FNIP2: variants seen among roughly 807,000 people sequenced by gnomAD.
The protein encoded by FNIP2 is folliculin-interacting protein 2.
A neutral mutation model predicts 108.7 loss-of-function variants in FNIP2; 32 were observed. The ratio of observed to expected loss-of-function variants is 0.29; its 90% CI spans 0.22 to 0.40. The LOEUF (loss-of-function observed/expected upper bound fraction) is 0.40, where lower values mean the gene tolerates loss of function less well. FNIP2 is among the 10% of genes least tolerant of loss of function. The pLI is 1.00. For synonymous variants in FNIP2, 480 were observed against 496.7 expected (o/e 0.97, Z 0.45); for missense variants, 1,202 against 1,381.6 (o/e 0.87, Z 2.06).
At chr4:158,827,072 T>C (rs542700754) in intron 2 of FNIP2, among the ~76,000 whole-genome samples, 1 of 152,314 alleles carries the variant, frequency 6.6e-6, no homozygotes, top group East Asian at 1.9e-4. Flanking sequence ...CACAGTGTTT[T>C]AAAGTGGAGT....
intron 1 of FNIP2, among the ~76,000 whole-genome samples, chr4:158,775,877 C>A (rs1226063375): frequency 6.6e-6 from 1 of 152,054 alleles, no homozygotes. Flanking sequence ...ATTTCTGTCT[C>A]CTGAACTGTG....
chr4:158,812,812 A>G (rs1777353162), intron 1 of FNIP2, among the ~76,000 whole-genome samples: 1 of 151,460 alleles, frequency 6.6e-6, no homozygotes, highest in South Asian at 2.1e-4. Context: ...AGGTTTTGAC[A>G]AAAGTATAAT....
intron 1 of FNIP2, among the ~76,000 whole-genome samples, chr4:158,780,661 G>T (rs1776012448): frequency 6.6e-6 from 1 of 152,148 alleles, no homozygotes; most frequent in Non-Finnish European, 1.5e-5. Flanking sequence ...TATATGATCT[G>T]TATTCTCTCT....
At chr4:158,878,493 C>T (rs560087562) in intron 14 of FNIP2, among the ~76,000 whole-genome samples, 1 of 152,140 alleles carries the variant, frequency 6.6e-6, no homozygotes, top group African/African-American at 2.4e-5. Flanking sequence ...TTATTCTACC[C>T]GAGTGATTTG....
chr4:158,800,677 C>T (rs1776732102), intron 1 of FNIP2, among the ~76,000 whole-genome samples: 1 of 152,142 alleles, frequency 6.6e-6, no homozygotes, highest in Middle Eastern at 3.4e-3. Context: ...TGCTCAAAAG[C>T]GTTCTGATAT....
rs1444532923 is a variant in FNIP2, at chr4:158,825,901, C to G, written c.108-15C>G. 14 of 1,601,018 alleles carry G rather than the reference C, an allele frequency of 8.7e-6. No individual in the cohort carries two copies. The highest frequency in any genetic ancestry group is 1.3e-5 in the African/African-American group (1 of 74,634). ...TGCAGATAACATAACTTCTTTTGCC[C>G]TTTTTAATCCACAGTTGGTCATGTT... is the stretch of plus-strand genomic sequence containing the variant. On this transcript the variant is annotated splice_polypyrimidine_tract_variant and intron_variant, in intron 1 of 16. Coordinates refer to ENST00000264433, the MANE Select transcript of FNIP2 (RefSeq NM_020840.3).
intron 10 of FNIP2, among the ~76,000 whole-genome samples, 197 bp from the exon 11 acceptor site, chr4:158,861,145 A>C (rs1177519221): frequency 6.6e-6 from 1 of 152,200 alleles, no homozygotes; most frequent in Non-Finnish European, 1.5e-5. Flanking sequence ...GACCCAGTAA[A>C]ACTTTTTATT....
Position 158,773,305 on chromosome 4 carries a change from T to G in FNIP2, c.107+3986T>G, listed in dbSNP as rs1014966787. Among the ~76,000 whole-genome samples, 6 of 152,222 alleles carry G rather than the reference T, an allele frequency of 3.9e-5. No homozygotes were observed. In the East Asian group the frequency reaches 1.2e-3, roughly 29 times the overall value. On this transcript the variant is annotated intron_variant, in intron 1 of 16. Transcript: ENST00000264433. ...TGTCCTGAAAGATACTATGCACTGG[T>G]TAGTGATTTTTTCAGAGGTGAAGAA...
Position 158,769,261 on chromosome 4 carries a change from G to A in FNIP2, c.49G>A (p.Gly17Ser), listed in dbSNP as rs1258620805. ...GCTCTTCAACAAAAGGGGCAGCAGC[G>A]GCAGCTCCGCGGCGGCGTCTGCCCA... Reference protein sequence around the residue: ...QKLFNKRGSSGSSAAASAQGR... With the variant: ...QKLFNKRGSSSSSAAASAQGR... Residue 17 changes from glycine to serine, a missense_variant, in exon 1 of 17, where the codon GGC becomes AGC. Gly to Ser is a moderately conservative substitution (Grantham distance 56, BLOSUM62 0). Around this residue, in one of 5 missense-constraint regions of FNIP2, gnomAD observed 173 missense variants for 165.9 expected, o/e 1.04. Coordinates refer to ENST00000264433, the MANE Select transcript of FNIP2 (RefSeq NM_020840.3). 10 of 1,542,324 alleles carry A rather than the reference G, an allele frequency of 6.5e-6. No individual in the cohort carries two copies. The highest frequency in any genetic ancestry group is 8.7e-6 in the Non-Finnish European group (10 of 1,148,948).
chr4:158,786,669 A>G (rs552106246), intron 1 of FNIP2, among the ~76,000 whole-genome samples: 1 of 151,872 alleles, frequency 6.6e-6, no homozygotes, highest in Non-Finnish European at 1.5e-5. Flanking sequence ...TTTTATTTTT[A>G]AAAAAAACAG....
intron 1 of FNIP2, among the ~76,000 whole-genome samples, chr4:158,800,192 C>G (rs116286522): frequency 1.7e-3 from 252 of 152,178 alleles, no homozygotes; most frequent in African/African-American, 5.7e-3. Flanking sequence ...GGTCAGATAG[C>G]CTTTCGGTAG....
intron 1 of FNIP2, among the ~76,000 whole-genome samples, chr4:158,822,809 T>A (rs926107532): frequency 6.6e-6 from 1 of 152,236 alleles, no homozygotes; most frequent in Non-Finnish European, 1.5e-5. Context: ...ACTCGTATCT[T>A]ATAAAATACT....
intron 7 of FNIP2, 121 bp downstream of exon 7, chr4:158,835,597 A>G: frequency 1.2e-6 from 1 of 810,510 alleles, no homozygotes; most frequent in Non-Finnish European, 2.0e-6. Flanking sequence ...TTCCTTCCTA[A>G]GATAGTCTGA....
chr4:158,866,221 C>CTTTTTTTTTTT (rs34074378), intron 12 of FNIP2, among the ~76,000 whole-genome samples: 1,597 of 59,746 alleles, frequency 0.027, 681 homozygotes, highest in African/African-American at 0.073. Flanking sequence ...TCTGGTTATT[C>CTTTTTTTTTTT]TTTTTTTTTT....
Position 158,859,586 on chromosome 4 carries a change from C to T in FNIP2, c.1068C>T (p.Ile356=), listed in dbSNP as rs181132696. 94 of 1,612,748 alleles carry T rather than the reference C, an allele frequency of 5.8e-5. No individual in the cohort carries two copies. The African/African-American group carries it at 9.2e-4, about 16-fold the overall frequency. ...CTTTCTCTTCAATAAAGGCTATGAT[C>T]TCCTGTAGGAAAATAGCAGAATCAA... ...RLKSAIEKAM[I]SCRKIAESSL... is the part of the protein sequence containing the mutation. The change falls in exon 10 of 17, where the codon ATC becomes ATT. Residue 356 remains isoleucine, a synonymous_variant. Transcript: ENST00000264433.
At position 158,866,221 on chromosome 4, in the gene FNIP2, C is replaced by CTTTTTTTTTTTTTTTTTTTT. The variant is rs34074378; in HGVS notation, c.1466-1866_1466-1865insTTTTTTTTTTTTTTTTTTTT. 1.6e-3 allele frequency among the ~76,000 whole-genome samples: 93 copies of CTTTTTTTTTTTTTTTTTTTT among 59,778 alleles called. 34 individuals are homozygous for CTTTTTTTTTTTTTTTTTTTT. The highest frequency in any genetic ancestry group is 2.8e-3 in the Admixed American group (8 of 2,886). The allele number at this position is 59,778 out of a possible 152,430, so 39.2% of individuals were successfully genotyped here. On this transcript the variant is annotated intron_variant, in intron 12 of 16. Transcript: ENST00000264433. ...GATTTGTTCCAATATTCTGGTTATT[C>CTTTTTTTTTTTTTTTTTTTT]TTTTTTTTTTTTTTTGAGACAGAGT...
At chr4:158,834,475 G>A (rs922273130) in intron 6 of FNIP2, 2 of 152,116 alleles carry the variant, frequency 1.3e-5, no homozygotes, top group Admixed American at 6.6e-5. Flanking sequence ...ATAGCAAATG[G>A]TATTTTCCTT....
At chr4:158,855,671 C>T (rs1462674626) in intron 8 of FNIP2, among the ~76,000 whole-genome samples, 2 of 152,198 alleles carry the variant, frequency 1.3e-5, no homozygotes, top group Non-Finnish European at 2.9e-5. Flanking sequence ...TGGTCTCGAT[C>T]TCTTGACCTC....
intron 1 of FNIP2, among the ~76,000 whole-genome samples, chr4:158,774,229 A>T (rs1775788015): frequency 6.6e-6 from 1 of 152,232 alleles, no homozygotes; most frequent in African/African-American, 2.4e-5. Flanking sequence ...GCAACACTCT[A>T]CACCAACATA....
Sources: allele counts gnomAD v4.1 joint callset (sites outside exome capture counted in the v4.1 genomes callset), GRCh38; gene constraint gnomAD v4.1.1; regional missense constraint gnomAD v4.1.1; transcripts MANE v1.5; gene names NCBI Gene and HGNC (gene_info 2026-07-23, HGNC 2026-07-21).